Variants in DNTTIP1 observed in about 807,000 individuals in gnomAD.
The protein encoded by DNTTIP1 is deoxynucleotidyltransferase terminal interacting protein 1.
Under a neutral mutation model 52.9 loss-of-function variants are expected in DNTTIP1, and 22 were observed. The observed-to-expected ratio is 0.42, with a 90% CI of 0.30 to 0.59. DNTTIP1 has a LOEUF of 0.59. Ranked by LOEUF, DNTTIP1 falls within the 20% of genes least tolerant of loss-of-function variation. The pLI is 0.22. For missense variants in DNTTIP1, 286 were observed against 435.5 expected, an observed-to-expected ratio of 0.66 and a Z score of 3.06; for synonymous variants, 136 against 155.1, an observed-to-expected ratio of 0.88 and a Z score of 0.92.
chr20:45,795,560 A>C, intron 4 of DNTTIP1, 117 bp downstream of exon 4: 1 of 610,114 alleles, frequency 1.6e-6, no homozygotes, highest in South Asian at 1.9e-5. Context: ...GCACTGTGGG[A>C]GGCCAAGGTG....
Position 45,803,328 on chromosome 20 carries a change from A to G in DNTTIP1, c.558-5A>G. 2 of 1,614,148 alleles carry G rather than the reference A, an allele frequency of 1.2e-6. No homozygotes were observed. Reference sequence around the variant, plus strand: ...AATTCACCTTTATTCTTTCCTTCCAAGCAGATGGAAACCAAAATCCTGTGA... The same window carrying G: ...AATTCACCTTTATTCTTTCCTTCCAGGCAGATGGAAACCAAAATCCTGTGA... On this transcript the variant is annotated splice_region_variant and splice_polypyrimidine_tract_variant and intron_variant, in intron 7 of 12. Coordinates refer to ENST00000372622, the MANE Select transcript of DNTTIP1 (RefSeq NM_052951.3).
intron 2 of DNTTIP1, 62 bp from the exon 3 acceptor site, chr20:45,793,859 G>C: frequency 9.7e-7 from 1 of 1,028,376 alleles, no homozygotes; most frequent in Non-Finnish European, 1.4e-6. Context: ...AATTAACTGG[G>C]GAGGCTGGGA....
rs554629663 is a variant in DNTTIP1, at chr20:45,801,340, T to C, written c.442-62T>C. ...GTAGTCCAGGGCTGTCTTCTGCAAC[T>C]CCAGAAGACCTGCAGCTCCCAGGCA... On this transcript the variant is annotated intron_variant, in intron 5 of 12. Transcript: ENST00000372622. The C allele has an allele frequency of 1.9e-6, 3 of 1,590,092 alleles. No individual in the cohort carries two copies. The South Asian group carries it at 3.3e-5, about 18-fold the overall frequency.
intron 3 of DNTTIP1, among the ~76,000 whole-genome samples, chr20:45,795,056 G>A (rs907605225): frequency 5.3e-5 from 8 of 151,720 alleles, no homozygotes; most frequent in African/African-American, 1.7e-4. Context: ...CCTCGGCCTC[G>A]CAAAGTGCTG....
intron 11 of DNTTIP1, 83 bp from the exon 12 acceptor site, chr20:45,810,797 CTTACA>C: frequency 7.9e-7 from 1 of 1,270,682 alleles, no homozygotes; most frequent in South Asian, 1.2e-5. Context: ...AGTAGCAGGC[CTTACA>C]TTAAACAGAT....
chr20:45,801,425 A>T lies in DNTTIP1; in HGVS notation c.465A>T (p.Glu155Asp). 6.2e-7 allele frequency: 1 copy of T among 1,614,192 alleles called. No homozygotes were observed. Among genetic ancestry groups the T allele is most frequent in the Non-Finnish European group, 8.5e-7 (1 of 1,180,028 alleles). The change falls in exon 6 of 13, where the codon GAA becomes GAT. Residue 155 changes from glutamate (E) to aspartate (D), a missense_variant. Glu to Asp is a conservative substitution (Grantham distance 45). Around this residue, in one of 2 missense-constraint regions of DNTTIP1, gnomAD observed 208 missense variants for 266.5 expected, o/e 0.78. Coordinates refer to ENST00000372622, the MANE Select transcript of DNTTIP1 (RefSeq NM_052951.3). The stretch of plus-strand genomic sequence containing the variant: ...AGCGTGGCCGTCAGGCAGAAGAAGA[A>T]TGTGCCCATCGAGGAAGCCCCCTTC... ...GIKRGRQAEE[E>D]CAHRGSPLPK...
intron 10 of DNTTIP1, among the ~76,000 whole-genome samples, chr20:45,807,218 G>A (rs187510618): frequency 2.0e-5 from 3 of 152,074 alleles, no homozygotes; most frequent in Admixed American, 2.0e-4. Context: ...CACCTCCTGG[G>A]TTCAAGCAAT....
Position 45,792,756 on chromosome 20 carries a change from G to T in DNTTIP1, c.176+9G>T. 1 of 1,606,910 alleles carries T rather than the reference G, an allele frequency of 6.2e-7. No individual in the cohort carries two copies. The highest frequency in any genetic ancestry group is 1.7e-4 in the Middle Eastern group (1 of 5,892). ...TCACAGATGACAACAAGGTAAGGCT[G>T]GCCCTGCATGGGGCTTATATCCCAG... On this transcript the variant is annotated intron_variant, in intron 2 of 12. Transcript: ENST00000372622.
intron 11 of DNTTIP1, among the ~76,000 whole-genome samples, chr20:45,810,301 G>A (rs1303241433): frequency 1.3e-5 from 2 of 152,174 alleles, no homozygotes; most frequent in African/African-American, 4.8e-5. Flanking sequence ...GAGGCATTGT[G>A]ACAAAGCATT....
At chr20:45,801,237 C>A in intron 5 of DNTTIP1, 95 bp downstream of exon 5, 1 of 1,425,580 alleles carries the variant, frequency 7.0e-7, no homozygotes, top group Non-Finnish European at 9.9e-7. Context: ...CCATGTACTT[C>A]CATTTGTAGG....
intron 3 of DNTTIP1, 51 bp from the exon 4 acceptor site, chr20:45,795,294 T>G (rs558385498): frequency 8.4e-5 from 90 of 1,071,052 alleles, no homozygotes; most frequent in Admixed American, 3.7e-4. Flanking sequence ...TTCCTTCAGG[T>G]TGATGCACAT....
intron 8 of DNTTIP1, 101 bp from the exon 9 acceptor site, chr20:45,805,045 T>C (rs979702575): frequency 9.8e-7 from 1 of 1,022,576 alleles, no homozygotes; most frequent in Non-Finnish European, 1.5e-6. Flanking sequence ...GATTAAATAA[T>C]AGACAAGGGG....
chr20:45,798,084 A>G (rs1453753156), intron 4 of DNTTIP1, among the ~76,000 whole-genome samples: 1 of 152,210 alleles, frequency 6.6e-6, no homozygotes, highest in Admixed American at 6.5e-5. Flanking sequence ...AACCAACCCA[A>G]ATGTCCAACA....
At position 45,809,039 on chromosome 20, in the gene DNTTIP1, A is replaced by T; in HGVS notation, c.724-75A>T. On this transcript the variant is annotated intron_variant, in intron 10 of 12. Coordinates refer to ENST00000372622, the MANE Select transcript of DNTTIP1 (RefSeq NM_052951.3). This position sits in a 1 kb window ranked among gnomAD's most constrained non-coding sequence, Gnocchi z 4.2. ...TTTTGGTAAGAACTGCTCAAGGGCC[A>T]AGAGTATGCTCTGGGACCAAATGAG... The T allele has an allele frequency of 7.6e-7, 1 of 1,315,016 alleles. No homozygotes were observed. The highest frequency in any genetic ancestry group is 1.1e-6 in the Non-Finnish European group (1 of 912,058). 81.5% of individuals were successfully genotyped at this position (1,315,016 alleles called of 1,614,324 possible).
chr20:45,795,361 C>T lies in DNTTIP1; in HGVS notation c.290C>T (p.Ala97Val), dbSNP rs188296105. The T allele has an allele frequency of 6.2e-7, 1 of 1,609,584 alleles. No individual in the cohort carries two copies. The highest frequency in any genetic ancestry group is 8.5e-7 in the Non-Finnish European group (1 of 1,177,644). Reference protein sequence around the residue: ...NKYMKFFQKAALNVRDNVGEE... With the variant: ...NKYMKFFQKAVLNVRDNVGEE... ...CTCCCCTAGTTCTTCCAGAAGGCAG[C>T]ACTGAACGTGCGAGACAATGTTGGG... The change falls in exon 4 of 13, where the codon GCA becomes GTA. Residue 97 changes from alanine (A) to valine (V), a missense_variant. Ala to Val is a moderately conservative substitution (Grantham distance 64). Around this residue, in one of 2 missense-constraint regions of DNTTIP1, gnomAD observed 208 missense variants for 266.5 expected, o/e 0.78. Coordinates refer to ENST00000372622, the MANE Select transcript of DNTTIP1 (RefSeq NM_052951.3).
intron 4 of DNTTIP1, chr20:45,796,635 T>C: frequency 2.2e-6 from 1 of 454,246 alleles, no homozygotes; most frequent in South Asian, 1.6e-5. Context: ...GAGGAATTGT[T>C]GCCATCACCA....
At chr20:45,800,950 T>C (rs1305763380) in intron 4 of DNTTIP1, 124 bp from the exon 5 acceptor site, 1 of 775,830 alleles carries the variant, frequency 1.3e-6, no homozygotes, top group Non-Finnish European at 2.2e-6. Context: ...GCCAAGATGG[T>C]GCTGCTGCAC....
chr20:45,792,207 T>A (rs1469581204), intron 1 of DNTTIP1, 98 bp downstream of exon 1: 1 of 731,402 alleles, frequency 1.4e-6, no homozygotes, highest in Non-Finnish European at 1.9e-6. Context: ...AGGCTGGAGC[T>A]GCAGAGGGGG....
At chr20:45,799,178 T>C (rs1422100511) in intron 4 of DNTTIP1, among the ~76,000 whole-genome samples, 1 of 152,204 alleles carries the variant, frequency 6.6e-6, no homozygotes, top group East Asian at 1.9e-4. Flanking sequence ...TTATAGATGT[T>C]AATTGAAGCT....
Sources: allele counts gnomAD v4.1 joint callset (sites outside exome capture counted in the v4.1 genomes callset), GRCh38; gene constraint gnomAD v4.1.1; regional missense constraint gnomAD v4.1.1; non-coding constraint Gnocchi (gnomAD v3.1); transcripts MANE v1.5; gene names NCBI Gene and HGNC (gene_info 2026-07-23, HGNC 2026-07-21).